Variants in COL11A1 observed in about 807,000 individuals in gnomAD.
COL11A1 encodes the protein collagen type XI alpha 1 chain.
A neutral mutation model predicts 265.2 loss-of-function variants in COL11A1; 74 were observed. That is an observed-to-expected ratio of 0.28 (90% CI 0.23 to 0.34). The LOEUF (loss-of-function observed/expected upper bound fraction) is 0.34. Among genes scored for constraint, COL11A1 ranks in the 10% least tolerant of loss-of-function variants. The probability of loss-of-function intolerance (pLI) is 1.00; values close to 1 mark genes in which losing one functional copy is unlikely to be tolerated. For synonymous variants in COL11A1, 816 were observed against 727.6 expected, an observed-to-expected ratio of 1.12 and a Z score of -1.96; for missense variants, 2,165 against 2,263.6, an observed-to-expected ratio of 0.96 and a Z score of 0.88.
chr1:103,085,728 T>C (rs1472876810), intron 1 of COL11A1, among the ~76,000 whole-genome samples: 2 of 152,226 alleles, frequency 1.3e-5, no homozygotes, highest in Admixed American at 1.3e-4. Flanking sequence ...AGAACATTTT[T>C]TTGCACTAGT....
chr1:103,017,588 G>T (rs1357901673), intron 11 of COL11A1, among the ~76,000 whole-genome samples: 1 of 152,038 alleles, frequency 6.6e-6, no homozygotes, highest in East Asian at 1.9e-4. Flanking sequence ...TATGGATGTT[G>T]GGTGAAATAA....
At chr1:102,885,298 T>C (rs1448316382) in intron 63 of COL11A1, among the ~76,000 whole-genome samples, 2 of 152,148 alleles carry the variant, frequency 1.3e-5, no homozygotes, top group African/African-American at 2.4e-5. Flanking sequence ...CTTTGACCTT[T>C]ATACTGAGAA....
At chr1:102,988,363 G>A (rs1663785193) in intron 29 of COL11A1, among the ~76,000 whole-genome samples, 1 of 152,126 alleles carries the variant, frequency 6.6e-6, no homozygotes, top group Non-Finnish European at 1.5e-5. Flanking sequence ...CCAAATTTTT[G>A]TGGAGGCTAA....
At chr1:103,065,885 G>GA (rs141824833) in intron 4 of COL11A1, among the ~76,000 whole-genome samples, 45 of 148,482 alleles carry the variant, frequency 3.0e-4, no homozygotes, top group African/African-American at 2.5e-4. Flanking sequence ...CAAACACGGA[G>GA]AAAAAAAAAA....
chr1:102,935,464 G>A (rs1477650158), intron 44 of COL11A1, among the ~76,000 whole-genome samples: 1 of 152,124 alleles, frequency 6.6e-6, no homozygotes, highest in Non-Finnish European at 1.5e-5. Flanking sequence ...AATATGATTA[G>A]GAAAGGGCCC....
intron 3 of COL11A1, 113 bp from the exon 4 acceptor site, chr1:103,074,893 C>CA (rs1558028366): frequency 2.4e-6 from 3 of 1,250,538 alleles, no homozygotes; most frequent in Non-Finnish European, 3.4e-6. Context: ...TAAAATCATA[C>CA]AAAAAATGTA....
At chr1:102,936,108 T>C (rs545969871) in intron 44 of COL11A1, among the ~76,000 whole-genome samples, 17 of 152,272 alleles carry the variant, frequency 1.1e-4, no homozygotes, top group African/African-American at 3.8e-4. Flanking sequence ...TGTAATTGTA[T>C]TGATGAGGCT....
At chr1:103,008,431 C>G in intron 15 of COL11A1, 32 bp downstream of exon 15, 3 of 1,589,992 alleles carry the variant, frequency 1.9e-6, no homozygotes, top group Middle Eastern at 3.3e-4. Context: ...AGAAGCCAGT[C>G]AAGAATAAAA....
intron 35 of COL11A1, among the ~76,000 whole-genome samples, chr1:102,978,353 T>C (rs1274633256): frequency 6.6e-6 from 1 of 152,196 alleles, no homozygotes; most frequent in Admixed American, 6.5e-5. Flanking sequence ...CTGCCAGCTC[T>C]GTGAACAAAA....
rs747902244 is a variant in COL11A1 at position 103,003,286 on chromosome 1, A to T, written c.1945-18T>A. ...CGTGGGCCCTAGGAGAAAAAGAAAA[A>T]GCACGCCTTTATTAAAAAAAAAAAA... is the stretch of plus-strand genomic sequence containing the variant. On this transcript the variant is annotated intron_variant, in intron 20 of 66. Transcript: ENST00000370096. The T allele has an allele frequency of 6.2e-7, 1 of 1,610,860 alleles. No homozygotes were observed. The highest frequency in any genetic ancestry group is 8.5e-7 in the Non-Finnish European group (1 of 1,178,592).
intron 56 of COL11A1, 125 bp downstream of exon 56, chr1:102,898,541 A>T (rs1175415509): frequency 2.9e-6 from 2 of 692,392 alleles, no homozygotes; most frequent in African/African-American, 3.6e-5. Flanking sequence ...ATATTTACAG[A>T]ATTCCCACAA....
intron 42 of COL11A1, among the ~76,000 whole-genome samples, chr1:102,946,261 G>T (rs1412504649): frequency 6.7e-6 from 1 of 149,994 alleles, no homozygotes; most frequent in Non-Finnish European, 1.5e-5. Context: ...ACACCAGCAT[G>T]GCACATGTAT....
At chr1:103,078,616 G>C (rs754905556) in intron 3 of COL11A1, 42 bp downstream of exon 3, 2 of 1,555,814 alleles carry the variant, frequency 1.3e-6, no homozygotes, top group Non-Finnish European at 1.8e-6. Context: ...TAAAAAAAAT[G>C]ATTTTGGCAT....
chr1:102,971,369 G>C (rs2101633078), intron 36 of COL11A1, among the ~76,000 whole-genome samples: 1 of 152,204 alleles, frequency 6.6e-6, no homozygotes, highest in South Asian at 2.1e-4. Flanking sequence ...CTGCCTTATG[G>C]ATTATTCATT....
chr1:102,984,124 T>C lies in COL11A1; in HGVS notation c.2556+14A>G, dbSNP rs1365339245. On this transcript the variant is annotated intron_variant, in intron 31 of 66. Coordinates refer to ENST00000370096, the MANE Select transcript of COL11A1 (RefSeq NM_001854.4). The stretch of plus-strand genomic sequence containing the variant: ...ACGAAATGTTAATAAACTATAAATA[T>C]CAAGCTGTTTTACCTTTGGACCTTG... The C allele has an allele frequency of 7.6e-6, 12 of 1,570,006 alleles. No individual in the cohort carries two copies. The highest frequency in any genetic ancestry group is 1.1e-5 in the Non-Finnish European group (12 of 1,142,274).
chr1:103,005,702 T>C (rs1665531102), intron 18 of COL11A1, 136 bp downstream of exon 18: 2 of 914,316 alleles, frequency 2.2e-6, no homozygotes, highest in South Asian at 3.1e-5. Context: ...ATTTTCCTTC[T>C]AGTATCTATT....
chr1:103,099,950 A>G (rs561433590), intron 1 of COL11A1, among the ~76,000 whole-genome samples: 1 of 151,854 alleles, frequency 6.6e-6, no homozygotes, highest in East Asian at 1.9e-4. Flanking sequence ...AGCTAACTCA[A>G]TTTTAATCTT....
chr1:103,058,587 A>T (rs1178406115), intron 4 of COL11A1, among the ~76,000 whole-genome samples: 1 of 152,134 alleles, frequency 6.6e-6, no homozygotes, highest in African/African-American at 2.4e-5. Context: ...GAACACTTGA[A>T]CCTGTGACTC....
chr1:102,912,388 G>C, intron 53 of COL11A1, among the ~76,000 whole-genome samples, 176 bp from the exon 54 acceptor site: 1 of 152,084 alleles, frequency 6.6e-6, no homozygotes, highest in East Asian at 1.9e-4. Context: ...TTTATAGTTA[G>C]AGCTGGTAAA....
Sources: allele counts gnomAD v4.1 joint callset (sites outside exome capture counted in the v4.1 genomes callset), GRCh38; gene constraint gnomAD v4.1.1; transcripts MANE v1.5; gene names NCBI Gene and HGNC (gene_info 2026-07-23, HGNC 2026-07-21).